SRR: variants seen among roughly 807,000 people sequenced by gnomAD.
SRR encodes serine racemase.
A neutral mutation model predicts 32.7 loss-of-function variants in SRR; 19 were observed. That is an observed-to-expected ratio of 0.58 (90% CI 0.40 to 0.85). The LOEUF (loss-of-function observed/expected upper bound fraction) is 0.85. SRR is among the 40% of genes least tolerant of loss of function. The pLI, the probability that SRR is intolerant of heterozygous loss-of-function variation, is 0.00. For synonymous variants in SRR, 142 were observed against 140.9 expected (o/e 1.01, Z -0.06); for missense variants, 373 against 404.7 (o/e 0.92, Z 0.67).
intron 4 of SRR, among the ~76,000 whole-genome samples, chr17:2,319,291 G>A (rs1174709537): frequency 1.3e-5 from 2 of 151,926 alleles, no homozygotes; most frequent in South Asian, 2.1e-4. Context: ...TTAGTAAATG[G>A]CAATTTTTAT....
chr17:2,317,530 A>T (rs916389274), intron 2 of SRR, among the ~76,000 whole-genome samples: 15 of 151,094 alleles, frequency 9.9e-5, no homozygotes, highest in African/African-American at 3.6e-4. Flanking sequence ...ATAAAAAAAA[A>T]AAATTTAGCC....
chr17:2,315,129 C>CAGGAAT (rs2075462423), intron 1 of SRR, among the ~76,000 whole-genome samples: 5 of 151,664 alleles, frequency 3.3e-5, no homozygotes, highest in Non-Finnish European at 7.4e-5. Context: ...GTAATCCCAG[C>CAGGAAT]TACTCGGGAG....
intron 4 of SRR, 76 bp from the exon 5 acceptor site, chr17:2,321,230 T>C: frequency 1.3e-6 from 2 of 1,552,022 alleles, no homozygotes; most frequent in South Asian, 2.4e-5. Context: ...GTCAATAAAA[T>C]GCTGAATGAC....
intron 1 of SRR, chr17:2,307,282 T>G (rs1272101538): frequency 8.7e-7 from 1 of 1,144,636 alleles, no homozygotes; most frequent in Non-Finnish European, 1.3e-6. Flanking sequence ...TGGCCACAAC[T>G]GTGAAATTAG....
In SRR at chr17:2,307,364, TTGG is replaced by T. The variant is rs1471608477; in HGVS notation, c.-5+3355_-5+3357del. On this transcript the variant is annotated intron_variant, in intron 1 of 7. Transcript: ENST00000344595. ...AGAGGTCAAAGTACTTCTGGAAACT[TTGG>T]TGGTGGTCGTGGAGGTGGTTTCGGT... is the stretch of plus-strand genomic sequence containing the variant. 2.8e-6 allele frequency: 3 copies of T among 1,072,762 alleles called. No individual in the cohort carries two copies. The African/African-American group carries it at 4.6e-5, about 17-fold the overall frequency. The allele number at this position is 1,072,762 out of a possible 1,614,324, so 66.5% of individuals were successfully genotyped here. A position where few individuals can be genotyped will look rare whatever the true frequency, so the allele number is the denominator to read the frequency against.
chr17:2,315,240 CA>C (rs397856755), intron 1 of SRR: 3,352 of 61,346 alleles, frequency 0.055, 41 homozygotes, highest in African/African-American at 0.14. Context: ...GACTCCGTCT[CA>C]AAAAAAAAAA....
chr17:2,305,658 C>T (rs1278780678), intron 1 of SRR, among the ~76,000 whole-genome samples: 2 of 151,996 alleles, frequency 1.3e-5, no homozygotes, highest in Non-Finnish European at 2.9e-5. Flanking sequence ...GAAAGACAAC[C>T]ATATTTAAGT....
chr17:2,323,354 C>T lies in SRR; in HGVS notation c.804+9C>T. 6.2e-7 allele frequency: 1 copy of T among 1,613,688 alleles called. No homozygotes were observed. Among genetic ancestry groups the T allele is most frequent in the South Asian group, 1.1e-5 (1 of 91,018 alleles). Reference sequence around the variant, plus strand: ...CAGAGGATGAAATTAAGGTGAGGCTCCAGCAAGAAAAGAAATAGCAAAGCA... The same window carrying T: ...CAGAGGATGAAATTAAGGTGAGGCTTCAGCAAGAAAAGAAATAGCAAAGCA... On this transcript the variant is annotated intron_variant, in intron 7 of 7. Transcript: ENST00000344595.
intron 1 of SRR, among the ~76,000 whole-genome samples, chr17:2,305,579 C>T (rs1284102435): frequency 1.3e-5 from 2 of 152,138 alleles, no homozygotes; most frequent in African/African-American, 4.8e-5. Flanking sequence ...AAATTTACTA[C>T]GTTGGTGGAA....
intron 4 of SRR, 132 bp downstream of exon 4, chr17:2,319,061 T>C: frequency 1.7e-6 from 1 of 577,144 alleles, no homozygotes; most frequent in Non-Finnish European, 3.1e-6. Context: ...CTCAACCTTT[T>C]CTCTATCTAC....
At chr17:2,306,771 A>G (rs2075394136) in intron 1 of SRR, 3 of 657,896 alleles carry the variant, frequency 4.6e-6, no homozygotes, top group Non-Finnish European at 2.7e-6. Flanking sequence ...AGTCTAAGTC[A>G]GAGTCTCCTA....
intron 1 of SRR, chr17:2,310,010 G>A (rs1238673895): frequency 6.6e-6 from 1 of 152,128 alleles, no homozygotes; most frequent in Non-Finnish European, 1.5e-5. Flanking sequence ...TAAGAGTCTG[G>A]GAAGCTGTCA....
rs2075562739 is a variant in SRR, at chr17:2,324,549, G to A, written c.*676G>A. 1 of 1,614,030 alleles carries A rather than the reference G, an allele frequency of 6.2e-7. No individual in the cohort carries two copies. The highest frequency in any genetic ancestry group is 1.3e-5 in the African/African-American group (1 of 74,888). On this transcript the variant is annotated 3_prime_UTR_variant, in exon 8 of 8. Coordinates refer to ENST00000344595, the MANE Select transcript of SRR (RefSeq NM_021947.3). ...CCTCTCCGGCCCCACTTCGTTCTCA[G>A]TTCCACTGGTTTAAACCACAGCACA...
In SRR at chr17:2,304,024, C is replaced by T. The variant is rs1254731888; in HGVS notation, c.-5+7C>T. 7.3e-6 allele frequency: 2 copies of T among 273,486 alleles called. No homozygotes were observed. Among genetic ancestry groups the T allele is most frequent in the Non-Finnish European group, 1.3e-5 (2 of 148,210 alleles). The allele number at this position is 273,486 out of a possible 1,614,324, so 16.9% of individuals were successfully genotyped here. A position where few individuals can be genotyped will look rare whatever the true frequency, so the allele number is the denominator to read the frequency against. On this transcript the variant is annotated splice_region_variant and intron_variant, in intron 1 of 7. Coordinates refer to ENST00000344595, the MANE Select transcript of SRR (RefSeq NM_021947.3). ...GCGGCGCCGGTGAGCTGAGGTGAGG[C>T]GAGGCCGGGCCGTGCCAGGCCAGGC...
chr17:2,317,479 T>G (rs1666249435), intron 2 of SRR, among the ~76,000 whole-genome samples: 1 of 149,606 alleles, frequency 6.7e-6, no homozygotes, highest in South Asian at 2.1e-4. Flanking sequence ...GCCACTGCAC[T>G]GCAGCCCGGG....
At chr17:2,308,058 A>G (rs529219018) in intron 1 of SRR, among the ~76,000 whole-genome samples, 1 of 151,252 alleles carries the variant, frequency 6.6e-6, no homozygotes, top group Non-Finnish European at 1.5e-5. Context: ...TAAAAAAAAA[A>G]AACAACAAAA....
chr17:2,319,786 AG>A (rs1383581715), intron 4 of SRR, among the ~76,000 whole-genome samples: 1 of 151,098 alleles, frequency 6.6e-6, no homozygotes, highest in Admixed American at 6.6e-5. Flanking sequence ...GAGCAACCAG[AG>A]GTCTCCATTT....
At position 2,323,978 on chromosome 17, in the gene SRR, G is replaced by A. The variant is rs1226345262; in HGVS notation, c.*105G>A. 1 of 1,172,314 alleles carries A rather than the reference G, an allele frequency of 8.5e-7. No homozygotes were observed. The highest frequency in any genetic ancestry group is 1.2e-6 in the Non-Finnish European group (1 of 835,152). 72.6% of individuals were successfully genotyped at this position (1,172,314 alleles called of 1,614,324 possible). A position where few individuals can be genotyped will look rare whatever the true frequency, so the allele number is the denominator to read the frequency against. ...GTTATCAGATTCTTAATGGAGAGTG[G>A]CTATTTCATTAAGATTTAATAGTTT... On this transcript the variant is annotated 3_prime_UTR_variant, in exon 8 of 8. Transcript: ENST00000344595.
At chr17:2,313,914 C>T (rs952916182) in intron 1 of SRR, among the ~76,000 whole-genome samples, 16 of 152,194 alleles carry the variant, frequency 1.1e-4, no homozygotes, top group Non-Finnish European at 1.8e-4. Context: ...AGGAAGGTTT[C>T]GTGGCTATTT....
Sources: allele counts gnomAD v4.1 joint callset (sites outside exome capture counted in the v4.1 genomes callset), GRCh38; gene constraint gnomAD v4.1.1; transcripts MANE v1.5; gene names NCBI Gene and HGNC (gene_info 2026-07-23, HGNC 2026-07-21).